TRERF1: variants seen among roughly 807,000 people sequenced by gnomAD.
TRERF1 encodes the protein transcriptional-regulating factor 1.
Under a neutral mutation model 122.9 loss-of-function variants are expected in TRERF1, and 27 were observed. The observed-to-expected ratio is 0.22, with a 90% CI of 0.16 to 0.30. The LOEUF is 0.30. Among genes scored for constraint, TRERF1 ranks in the 10% least tolerant of loss-of-function variants. The pLI, the probability that TRERF1 is intolerant of heterozygous loss-of-function variation, is 1.00. For synonymous variants in TRERF1, 636 were observed against 641.7 expected (o/e 0.99, Z 0.13); for missense variants, 1,248 against 1,560.3 (o/e 0.80, Z 3.37).
At chr6:42,416,566 A>G (rs1300098202) in intron 2 of TRERF1, among the ~76,000 whole-genome samples, 1 of 152,184 alleles carries the variant, frequency 6.6e-6, no homozygotes, top group Non-Finnish European at 1.5e-5. Context: ...GGAGTTCTTT[A>G]AATGGGCTGC....
intron 2 of TRERF1, among the ~76,000 whole-genome samples, chr6:42,442,923 T>C (rs577291374): frequency 1.3e-5 from 2 of 152,346 alleles, no homozygotes; most frequent in Admixed American, 1.3e-4. Context: ...TATTTATATT[T>C]TCCAATTTTA....
Position 42,264,619 on chromosome 6 carries a change from G to A in TRERF1, c.1635+85C>T, listed in dbSNP as rs1778814872. ...TGTGCCTCGCCAGGTCCCGCATGGG[G>A]CTCACATCACTCTCTGTCTGACGGC... On this transcript the variant is annotated intron_variant, in intron 7 of 17. Coordinates refer to ENST00000372922, the Ensembl canonical transcript of TRERF1. 8.4e-6 allele frequency: 13 copies of A among 1,554,448 alleles called. No individual in the cohort carries two copies. In the South Asian group the frequency reaches 1.4e-4, roughly 16 times the overall value.
At chr6:42,429,356 C>G (rs891659566) in intron 2 of TRERF1, among the ~76,000 whole-genome samples, 1 of 152,134 alleles carries the variant, frequency 6.6e-6, no homozygotes. Flanking sequence ...GGAAGCCCTA[C>G]TCACCTCAAC....
chr6:42,236,832 T>TC (rs1239493258), intron 15 of TRERF1, among the ~76,000 whole-genome samples: 1 of 152,138 alleles, frequency 6.6e-6, no homozygotes, highest in African/African-American at 2.4e-5. Context: ...TACCATGGAA[T>TC]CCCCCTTGGA....
At chr6:42,449,887 G>C (rs1788166234) in intron 2 of TRERF1, among the ~76,000 whole-genome samples, 1 of 152,196 alleles carries the variant, frequency 6.6e-6, no homozygotes, top group African/African-American at 2.4e-5. Context: ...TGCTAGAACA[G>C]AGCCTGTCTA....
intron 2 of TRERF1, among the ~76,000 whole-genome samples, chr6:42,446,214 C>T (rs1458377901): frequency 6.6e-6 from 1 of 152,138 alleles, no homozygotes; most frequent in Non-Finnish European, 1.5e-5. Flanking sequence ...GTGCCCAGTC[C>T]CACTCCAAAC....
At chr6:42,403,935 C>T (rs550465816) in intron 2 of TRERF1, among the ~76,000 whole-genome samples, 1 of 151,820 alleles carries the variant, frequency 6.6e-6, no homozygotes, top group Admixed American at 6.5e-5. Flanking sequence ...CATGAGACCC[C>T]CCCCAGGCCT....
At chr6:42,322,624 C>G (rs1763633090) in intron 3 of TRERF1, among the ~76,000 whole-genome samples, 1 of 151,836 alleles carries the variant, frequency 6.6e-6, no homozygotes, top group African/African-American at 2.4e-5. Flanking sequence ...AATAAATGAA[C>G]AAGTTATAGA....
intron 3 of TRERF1, among the ~76,000 whole-genome samples, chr6:42,335,371 C>T (rs1332825105): frequency 6.6e-6 from 1 of 152,216 alleles, no homozygotes; most frequent in Non-Finnish European, 1.5e-5. Flanking sequence ...TCACAGTGCA[C>T]CAGGCACTCC....
intron 2 of TRERF1, among the ~76,000 whole-genome samples, chr6:42,395,792 T>G (rs1189738494): frequency 6.6e-6 from 1 of 151,762 alleles, no homozygotes; most frequent in Non-Finnish European, 1.5e-5. Context: ...AGCAAAGGAA[T>G]GAGACACTCT....
intron 3 of TRERF1, among the ~76,000 whole-genome samples, chr6:42,338,281 A>G (rs1766590267): frequency 6.6e-6 from 1 of 152,036 alleles, no homozygotes; most frequent in Non-Finnish European, 1.5e-5. Flanking sequence ...GGGAAGGAAG[A>G]AACTTGGGGG....
intron 2 of TRERF1, among the ~76,000 whole-genome samples, chr6:42,435,664 A>C (rs1189994364): frequency 6.6e-6 from 1 of 152,180 alleles, no homozygotes; most frequent in Non-Finnish European, 1.5e-5. Context: ...TAAATTCCTA[A>C]TAATAGGGAC....
At chr6:42,434,579 A>G (rs151031199) in intron 2 of TRERF1, among the ~76,000 whole-genome samples, 18 of 149,642 alleles carry the variant, frequency 1.2e-4, no homozygotes, top group African/African-American at 3.9e-4. Context: ...TTTCCAGGGG[A>G]AAAAAATCTC....
At chr6:42,301,887 T>G (rs1306982017) in intron 3 of TRERF1, among the ~76,000 whole-genome samples, 3 of 152,214 alleles carry the variant, frequency 2.0e-5, no homozygotes, top group African/African-American at 7.2e-5. Flanking sequence ...GATTTCAAAT[T>G]CACTCTCTGG....
At chr6:42,407,528 C>T (rs1780349565) in intron 2 of TRERF1, among the ~76,000 whole-genome samples, 1 of 152,120 alleles carries the variant, frequency 6.6e-6, no homozygotes, top group East Asian at 1.9e-4. Context: ...CTCCTGTGAT[C>T]TAATTTGTGG....
At chr6:42,337,740 G>A (rs1436793854) in intron 3 of TRERF1, among the ~76,000 whole-genome samples, 1 of 152,144 alleles carries the variant, frequency 6.6e-6, no homozygotes, top group South Asian at 2.1e-4. Flanking sequence ...ATAAGCAAAG[G>A]CATGGAGGTG....
chr6:42,345,636 AAAATG>A (rs1466233936), intron 3 of TRERF1, among the ~76,000 whole-genome samples: 1 of 152,274 alleles, frequency 6.6e-6, no homozygotes, highest in East Asian at 1.9e-4. Flanking sequence ...AATGTTCCAG[AAAATG>A]TAAAGCTAAA....
At chr6:42,248,357 CTT>C (rs112540098) in intron 13 of TRERF1, among the ~76,000 whole-genome samples, 24 of 145,930 alleles carry the variant, frequency 1.6e-4, no homozygotes, top group African/African-American at 5.0e-4. Flanking sequence ...TTATCTTTTT[CTT>C]TTTTTTTTTT....
intron 3 of TRERF1, among the ~76,000 whole-genome samples, chr6:42,362,193 A>C (rs1012632680): frequency 6.6e-6 from 1 of 152,214 alleles, no homozygotes; most frequent in African/African-American, 2.4e-5. Context: ...TTCCGACTGG[A>C]ACCCCGAGAC....
Sources: gnomAD v4.1 joint callset for allele counts (sites outside exome capture counted in the v4.1 genomes callset) on GRCh38, gnomAD v4.1.1 for gene constraint, MANE v1.5 for transcripts, NCBI Gene and HGNC (gene_info 2026-07-23, HGNC 2026-07-21) for gene names.